The following POPDC1 variants were observed in gnomAD, a reference collection of about 807,000 sequenced individuals.
The protein encoded by POPDC1 is popeye domain-containing protein 1.
the POPDC1 span, among the ~76,000 whole-genome samples, chr6:105,122,404 T>A: frequency 2.0e-5 from 3 of 152,200 alleles, no homozygotes; most frequent in African/African-American, 7.2e-5. Context: ...CAAAATCCAA[T>A]CCCTAGTCCC....
chr6:105,115,969 A>G, the POPDC1 span: 1 of 616,280 alleles, frequency 1.6e-6, no homozygotes, highest in Non-Finnish European at 2.5e-6. Context: ...GCCAATAAAC[A>G]TAAGCTATGA....
At chr6:105,123,994 A>G in the POPDC1 span, among the ~76,000 whole-genome samples, 1 of 152,226 alleles carries the variant, frequency 6.6e-6, no homozygotes, top group Non-Finnish European at 1.5e-5. Flanking sequence ...AAATTCAAAT[A>G]AGCAAAAAAA....
chr6:105,098,195 A>T, the POPDC1 span: 2 of 152,230 alleles, frequency 1.3e-5, no homozygotes, highest in Non-Finnish European at 2.9e-5. Flanking sequence ...GTATTTATGC[A>T]TTATACAAAG....
the POPDC1 span, among the ~76,000 whole-genome samples, chr6:105,104,921 TTTCAGAGCAA>T: frequency 6.6e-6 from 1 of 152,136 alleles, no homozygotes. Flanking sequence ...TCAAAGCACT[TTTCAGAGCAA>T]TTCACCCTCA....
the POPDC1 span, among the ~76,000 whole-genome samples, chr6:105,129,044 TAGTA>T: frequency 6.6e-6 from 1 of 152,226 alleles, no homozygotes; most frequent in Non-Finnish European, 1.5e-5. Flanking sequence ...AGTTGCCTAT[TAGTA>T]AGTAATTTTA....
the POPDC1 span, chr6:105,133,646 C>T: frequency 1.6e-6 from 2 of 1,243,222 alleles, no homozygotes; most frequent in Admixed American, 2.1e-5. Context: ...ATCTTTTTAC[C>T]TTCATAGGTA....
the POPDC1 span, among the ~76,000 whole-genome samples, chr6:105,122,451 C>T: frequency 6.6e-6 from 1 of 152,106 alleles, no homozygotes; most frequent in South Asian, 2.1e-4. Flanking sequence ...GGTAGGAATT[C>T]CTTTTTTGTT....
the POPDC1 span, among the ~76,000 whole-genome samples, chr6:105,127,611 T>A: frequency 3.3e-5 from 5 of 151,594 alleles, no homozygotes; most frequent in African/African-American, 1.2e-4. Context: ...AGCTGATTTT[T>A]AAATTTTTTG....
chr6:105,118,237 A>G, the POPDC1 span, among the ~76,000 whole-genome samples: 1 of 152,214 alleles, frequency 6.6e-6, no homozygotes, highest in Non-Finnish European at 1.5e-5. Context: ...GGATATGTAC[A>G]TCTACCAAGA....
the POPDC1 span, among the ~76,000 whole-genome samples, chr6:105,133,985 A>G: frequency 6.6e-6 from 1 of 152,158 alleles, no homozygotes; most frequent in Non-Finnish European, 1.5e-5. Flanking sequence ...GTCTTCCATC[A>G]AATTCCCACT....
chr6:105,134,327 T>C, the POPDC1 span, among the ~76,000 whole-genome samples: 5 of 152,110 alleles, frequency 3.3e-5, no homozygotes, highest in African/African-American at 1.2e-4. Context: ...CTTATACATA[T>C]GAAAATCCAT....
At chr6:105,099,431 T>C in the POPDC1 span, 1 of 152,198 alleles carries the variant, frequency 6.6e-6, no homozygotes, top group East Asian at 1.9e-4. Context: ...TTTGGAACTT[T>C]TCTTAGCCAT....
the POPDC1 span, chr6:105,125,614 C>A: frequency 2.5e-6 from 4 of 1,590,742 alleles, no homozygotes; most frequent in South Asian, 3.3e-5. Context: ...TTCACCAATG[C>A]AGCAGCAATC....
At chr6:105,132,799 T>C in the POPDC1 span, among the ~76,000 whole-genome samples, 5 of 152,368 alleles carry the variant, frequency 3.3e-5, no homozygotes, top group East Asian at 7.7e-4. Flanking sequence ...CTACTGTATC[T>C]GGTAATTGTT....
chr6:105,113,726 G>A, the POPDC1 span, among the ~76,000 whole-genome samples: 6 of 151,794 alleles, frequency 4.0e-5, no homozygotes, highest in Non-Finnish European at 8.8e-5. Flanking sequence ...AGTGGCTCAC[G>A]CCTGAAATCC....
chr6:105,104,748 C>T, the POPDC1 span, among the ~76,000 whole-genome samples: 2 of 152,150 alleles, frequency 1.3e-5, no homozygotes, highest in Non-Finnish European at 2.9e-5. Flanking sequence ...AAAGGAATAT[C>T]AATAGGCTTA....
At chr6:105,126,181 G>A in the POPDC1 span, among the ~76,000 whole-genome samples, 16 of 150,834 alleles carry the variant, frequency 1.1e-4, no homozygotes, top group Admixed American at 4.0e-4. Flanking sequence ...AGCTGAGATT[G>A]CTCCATTGCA....
the POPDC1 span, among the ~76,000 whole-genome samples, chr6:105,103,229 C>A: frequency 1.3e-5 from 2 of 152,138 alleles, no homozygotes; most frequent in African/African-American, 4.8e-5. Context: ...GATAAAACAA[C>A]TTGATATTTG....
At chr6:105,100,834 T>C in the POPDC1 span, 2 of 274,158 alleles carry the variant, frequency 7.3e-6, no homozygotes, top group Non-Finnish European at 1.3e-5. Flanking sequence ...TAGAAAAGAC[T>C]GTGAAAATAT....
Sources: allele counts gnomAD v4.1 joint callset (sites outside exome capture counted in the v4.1 genomes callset), GRCh38; gene constraint gnomAD v4.1.1; transcripts MANE v1.5; gene names NCBI Gene and HGNC (gene_info 2026-07-23, HGNC 2026-07-21).